Variants in SMAD9 observed in about 807,000 individuals in gnomAD.
SMAD9 encodes the protein MAD homolog 9.
SMAD9 carries 36 observed loss-of-function variants against 46.1 expected under a neutral mutation model. That is an observed-to-expected ratio of 0.78 (90% confidence interval 0.60 to 1.03). The LOEUF (loss-of-function observed/expected upper bound fraction) is 1.03. SMAD9 is among the 50% of genes least tolerant of loss of function. SMAD9 has a pLI of 0.00. For missense variants in SMAD9, 572 were observed against 599.8 expected (o/e 0.95, Z 0.48); for synonymous variants, 245 against 237.1 (o/e 1.03, Z -0.31).
At chr13:36,907,131 A>G (rs1384139122) in intron 1 of SMAD9, among the ~76,000 whole-genome samples, 2 of 152,238 alleles carry the variant, frequency 1.3e-5, no homozygotes, top group Non-Finnish European at 2.9e-5. Flanking sequence ...AATAAGCCAG[A>G]CACAGAAGGA....
chr13:36,886,539 T>A (rs2058446393), intron 1 of SMAD9, among the ~76,000 whole-genome samples: 1 of 152,258 alleles, frequency 6.6e-6, no homozygotes. Context: ...TCAGCCTCCA[T>A]TCACTCATTC....
intron 2 of SMAD9, among the ~76,000 whole-genome samples, chr13:36,874,296 A>C (rs559106211): frequency 1.2e-4 from 18 of 152,342 alleles, no homozygotes; most frequent in African/African-American, 4.3e-4. Flanking sequence ...CTTGAATTTC[A>C]AACACTGCGG....
At chr13:36,858,919 C>T (rs2058152719) in intron 5 of SMAD9, among the ~76,000 whole-genome samples, 1 of 152,074 alleles carries the variant, frequency 6.6e-6, no homozygotes, top group African/African-American at 2.4e-5. Context: ...ACCATGTTGC[C>T]CACCTGGTCA....
intron 1 of SMAD9, among the ~76,000 whole-genome samples, chr13:36,887,040 G>GTTTTTTT (rs200264324): frequency 3.8e-4 from 39 of 102,550 alleles, no homozygotes; most frequent in Non-Finnish European, 5.6e-4. Context: ...CTTTGAATGG[G>GTTTTTTT]TTTTTTTTTT....
Position 36,879,768 on chromosome 13 carries a change from G to A in SMAD9, c.-79C>T. On this transcript the variant is annotated 5_prime_UTR_variant, in exon 2 of 7. Coordinates refer to ENST00000379826, the MANE Select transcript of SMAD9 (RefSeq NM_001127217.3). ...AAAGTGGGCGGCGAGTAGCTCTCCA[G>A]GGGTGGCATAGGGACCAACCCGCCC... The A allele has an allele frequency of 6.4e-7, 1 of 1,551,692 alleles. No individual in the cohort carries two copies. The highest frequency in any genetic ancestry group is 8.8e-7 in the Non-Finnish European group (1 of 1,132,988).
intron 5 of SMAD9, among the ~76,000 whole-genome samples, chr13:36,855,815 T>C (rs1179138288): frequency 6.6e-6 from 1 of 152,206 alleles, no homozygotes; most frequent in Non-Finnish European, 1.5e-5. Context: ...GAGTAGTATG[T>C]ATCCCAACCA....
At chr13:36,850,987 G>A (rs1204033053) in intron 6 of SMAD9, among the ~76,000 whole-genome samples, 3 of 152,278 alleles carry the variant, frequency 2.0e-5, no homozygotes, top group East Asian at 1.9e-4. Flanking sequence ...CCCTCCAGGT[G>A]GGGGCGACTC....
chr13:36,868,912 G>A (rs764388396), intron 3 of SMAD9, among the ~76,000 whole-genome samples: 4 of 152,260 alleles, frequency 2.6e-5, no homozygotes, highest in Admixed American at 2.6e-4. Flanking sequence ...ATGTGGTATA[G>A]CCATACAATG....
chr13:36,879,162 T>TCTCTTC (rs10660759), intron 2 of SMAD9, 116 bp downstream of exon 2: 58 of 870,316 alleles, frequency 6.7e-5, no homozygotes, highest in African/African-American at 2.0e-4. Flanking sequence ...CTCTCCTCTC[T>TCTCTTC]TCTCTCTCTC....
chr13:36,900,631 T>G (rs1367823282), intron 1 of SMAD9, among the ~76,000 whole-genome samples: 1 of 151,058 alleles, frequency 6.6e-6, no homozygotes, highest in Non-Finnish European at 1.5e-5. Flanking sequence ...ACTATCAACC[T>G]TTCCTGATTT....
In SMAD9 at chr13:36,879,739, CG is replaced by C; in HGVS notation, c.-51del. ...CGCACGGGAACCGCACAGCCCTTCA[CG>C]GCAAAGTGGGCGGCGAGTAGCTCTC... On this transcript the variant is annotated 5_prime_UTR_variant, in exon 2 of 7. The change abolishes the stop of an existing upstream ORF in the 5' untranslated region. Transcript: ENST00000379826. 1 of 1,607,292 alleles carries C rather than the reference CG, an allele frequency of 6.2e-7. No homozygotes were observed. The highest frequency in any genetic ancestry group is 1.7e-5 in the Admixed American group (1 of 60,000).
chr13:36,905,774 C>CAAAAAAAAAAAAAAAAAAAAAAAAAAA (rs60358673), intron 1 of SMAD9, among the ~76,000 whole-genome samples: 2 of 66,462 alleles, frequency 3.0e-5, no homozygotes, highest in Non-Finnish European at 2.8e-5. Flanking sequence ...GACCCTGTCT[C>CAAAAAAAAAAAAAAAAAAAAAAAAAAA]AAAAAAAAAA....
intron 1 of SMAD9, among the ~76,000 whole-genome samples, chr13:36,911,392 T>A (rs2058659932): frequency 1.3e-5 from 2 of 152,128 alleles, no homozygotes; most frequent in African/African-American, 2.4e-5. Context: ...TACAATAAAT[T>A]TCTTTGAAAG....
chr13:36,879,394 G>T lies in SMAD9; in HGVS notation c.296C>A (p.Pro99Gln). Residue 99 changes from proline (P) to glutamine (Q), a missense_variant, in exon 2 of 7, where the codon CCG (proline) becomes CAG (glutamine). By Grantham distance (76) the Pro-to-Gln change is moderately conservative. Transcript: ENST00000379826. ...CAGCTCGTGGTGGGACTGCAGATCC[G>T]GCCAGCGCCACACGCGACAGTAAAT... Reference protein sequence around the residue: ...HVIYCRVWRWPDLQSHHELKP... With the variant: ...HVIYCRVWRWQDLQSHHELKP... The T allele has an allele frequency of 6.2e-7, 1 of 1,614,054 alleles. No homozygotes were observed. The highest frequency in any genetic ancestry group is 1.1e-5 in the South Asian group (1 of 91,082).
chr13:36,870,256 G>A (rs529285959), intron 3 of SMAD9, among the ~76,000 whole-genome samples: 97 of 152,154 alleles, frequency 6.4e-4, no homozygotes, highest in Non-Finnish European at 1.3e-3. Context: ...GCATAGAGGT[G>A]TGTTAGGTAA....
chr13:36,900,923 T>C (rs989206326), intron 1 of SMAD9, among the ~76,000 whole-genome samples: 3 of 145,264 alleles, frequency 2.1e-5, no homozygotes, highest in African/African-American at 7.7e-5. Flanking sequence ...CATTCAGCAG[T>C]TTTTTCCTAT....
intron 1 of SMAD9, among the ~76,000 whole-genome samples, chr13:36,880,589 A>G (rs2058394336): frequency 6.6e-6 from 1 of 152,236 alleles, no homozygotes; most frequent in South Asian, 2.1e-4. Flanking sequence ...GTGTGCCCCA[A>G]GGATCCCTGG....
At chr13:36,910,640 C>A (rs927134336) in intron 1 of SMAD9, among the ~76,000 whole-genome samples, 3 of 152,180 alleles carry the variant, frequency 2.0e-5, no homozygotes, top group African/African-American at 7.2e-5. Flanking sequence ...TCCTTCCCTC[C>A]CTGCCCAGAA....
At position 36,911,868 on chromosome 13, in the gene SMAD9, CCAGCTAATTTTGTAT is replaced by C. The variant is rs1355832438; in HGVS notation, c.-187+8233_-187+8247del. On this transcript the variant is annotated intron_variant, in intron 1 of 6. Coordinates refer to ENST00000379826, the MANE Select transcript of SMAD9 (RefSeq NM_001127217.3). ...GGATTACAGGCATGTGCCACCACAC[CCAGCTAATTTTGTAT>C]TTTTAGTAGAGATGGGGTTTCTCCA... Among the ~76,000 whole-genome samples, 3 of 152,262 alleles carry C rather than the reference CCAGCTAATTTTGTAT, an allele frequency of 2.0e-5. No individual in the cohort carries two copies. The East Asian group carries it at 5.8e-4, about 29-fold the overall frequency.
Sources: allele counts gnomAD v4.1 joint callset (sites outside exome capture counted in the v4.1 genomes callset), GRCh38; gene constraint gnomAD v4.1.1; transcripts MANE v1.5; gene names NCBI Gene and HGNC (gene_info 2026-07-23, HGNC 2026-07-21).